The following DBF4 variants were observed in gnomAD, a reference collection of about 807,000 sequenced individuals.
DBF4 encodes DBF4-CDC7 kinase regulatory subunit, also known as protein DBF4 homolog A.
A neutral mutation model predicts 76.6 loss-of-function variants in DBF4; 25 were observed. The observed-to-expected ratio is 0.33, with a 90% CI of 0.24 to 0.46. The LOEUF is 0.46. Among genes scored for constraint, DBF4 ranks in the 20% least tolerant of loss-of-function variants. DBF4 has a pLI of 1.00. For synonymous variants in DBF4, 213 were observed against 258.0 expected (o/e 0.83, Z 1.67); for missense variants, 638 against 760.8 (o/e 0.84, Z 1.90).
At chr7:87,879,632 AC>A (rs1839161904) in intron 2 of DBF4, among the ~76,000 whole-genome samples, 1 of 152,160 alleles carries the variant, frequency 6.6e-6, no homozygotes, top group African/African-American at 2.4e-5. Flanking sequence ...TAGTACCTGC[AC>A]CATTCTGTTC....
At chr7:87,886,800 T>A in intron 3 of DBF4, 44 bp from the exon 4 acceptor site, 1 of 1,171,422 alleles carries the variant, frequency 8.5e-7, no homozygotes, top group Non-Finnish European at 1.3e-6. Flanking sequence ...TAACCTGTTC[T>A]CCAGTTAAGC....
chr7:87,897,247 AG>A (rs750095801), intron 7 of DBF4, 46 bp from the exon 8 acceptor site: 4 of 1,547,678 alleles, frequency 2.6e-6, no homozygotes, highest in Non-Finnish European at 2.6e-6. Flanking sequence ...AAAAAAAAAA[AG>A]AATCCTGAAT....
In DBF4 at chr7:87,897,335, A is replaced by C; in HGVS notation, c.676A>C (p.Ser226Arg). The C allele has an allele frequency of 6.2e-7, 1 of 1,612,760 alleles. No individual in the cohort carries two copies. Among genetic ancestry groups the C allele is most frequent in the Non-Finnish European group, 8.5e-7 (1 of 1,179,532 alleles). The change falls in exon 8 of 12, where the codon AGC (serine) becomes CGC (arginine). Residue 226 changes from serine (S) to arginine (R), a missense_variant. Coordinates refer to ENST00000265728, the MANE Select transcript of DBF4 (RefSeq NM_006716.4). ...GCCTTTTGTAAAGGTGGAAGATATG[A>C]GCCAGTAAGTATTTAAGTCCAATCT... Reference protein sequence around the residue: ...KKPFVKVEDMSQLYRPFYLQL... With the variant: ...KKPFVKVEDMRQLYRPFYLQL...
intron 1 of DBF4, among the ~76,000 whole-genome samples, chr7:87,877,568 G>A (rs1006055226): frequency 6.6e-6 from 1 of 152,196 alleles, no homozygotes; most frequent in African/African-American, 2.4e-5. Context: ...GGACCGTTTA[G>A]TTGTTAATAT....
In DBF4 at chr7:87,898,975, G is replaced by T. The variant is rs149861519; in HGVS notation, c.681-1246G>T. On this transcript the variant is annotated intron_variant, in intron 8 of 11. Transcript: ENST00000265728. Reference sequence around the variant, plus strand: ...TATGGCCAAATGATTTTCAACAAGGGTATGAAGATAATTTAATGGAGAAAG... The same window carrying T: ...TATGGCCAAATGATTTTCAACAAGGTTATGAAGATAATTTAATGGAGAAAG... 4.6e-5 allele frequency among the ~76,000 whole-genome samples: 7 copies of T among 152,210 alleles called. No homozygotes were observed. In the East Asian group the frequency reaches 1.2e-3, roughly 25 times the overall value.
intron 10 of DBF4, among the ~76,000 whole-genome samples, chr7:87,901,962 G>GT (rs1334385005): frequency 6.6e-6 from 1 of 152,094 alleles, no homozygotes; most frequent in African/African-American, 2.4e-5. Flanking sequence ...TTTTGTGTCA[G>GT]TTTTTTTGTT....
intron 3 of DBF4, among the ~76,000 whole-genome samples, chr7:87,886,193 T>A (rs1055092762): frequency 6.6e-6 from 1 of 152,124 alleles, no homozygotes; most frequent in Admixed American, 6.5e-5. Context: ...CCAAAATAAT[T>A]GTTGGTTATG....
At chr7:87,896,556 AATC>A (rs1189977103) in intron 7 of DBF4, 46 bp downstream of exon 7, 1 of 1,545,618 alleles carries the variant, frequency 6.5e-7, no homozygotes, top group Non-Finnish European at 8.9e-7. Flanking sequence ...GCATTTGAAA[AATC>A]ATAAAAGATC....
At chr7:87,907,052 A>AT in intron 11 of DBF4, 136 bp from the exon 12 acceptor site, 1 of 981,684 alleles carries the variant, frequency 1.0e-6, no homozygotes, top group Non-Finnish European at 1.4e-6. Context: ...AGATGTTTGT[A>AT]TTTTTGTAAA....
chr7:87,908,149 T>G lies in DBF4; in HGVS notation c.2011T>G (p.Phe671Val), dbSNP rs1839957459. 6.4e-7 allele frequency: 1 copy of G among 1,572,404 alleles called. No homozygotes were observed. Among genetic ancestry groups the G allele is most frequent in the Non-Finnish European group, 8.6e-7 (1 of 1,162,176 alleles). Residue 671 changes from phenylalanine to valine, a missense_variant, in exon 12 of 12, where the codon TTT becomes GTT. Physicochemically the swap from Phe to Val is conservative, Grantham distance 50 (BLOSUM62 -1). Transcript: ENST00000265728. ...TTTCTCGTCCCCTTCAACTTCTACA[T>G]TTACTGGCTTTTAGAATTTAAAAAA... ...AFFSSPSTSTFTGF is the reference protein window; with the variant it reads ...AFFSSPSTSTVTGF
Position 87,907,198 on chromosome 7 carries a change from A to G in DBF4, c.1060A>G (p.Ser354Gly), listed in dbSNP as rs1839931246. 6.4e-7 allele frequency: 1 copy of G among 1,573,458 alleles called. No homozygotes were observed. Among genetic ancestry groups the G allele is most frequent in the Admixed American group, 2.0e-5 (1 of 49,724 alleles). ...DTPKKKRIKY[S>G]VGSLSPVSAS... is the part of the protein sequence containing the mutation. Reference sequence around the variant, plus strand: ...ATTTTTCCTACAAAGAATAAAATACAGTGTTGGATCCCTTTCTCCTGTTTC... The same window carrying G: ...ATTTTTCCTACAAAGAATAAAATACGGTGTTGGATCCCTTTCTCCTGTTTC... The change falls in exon 12 of 12, where the codon AGT (serine) becomes GGT (glycine). Residue 354 changes from serine (S) to glycine (G), a missense_variant. Ser to Gly is a moderately conservative substitution (Grantham distance 56). Coordinates refer to ENST00000265728, the MANE Select transcript of DBF4 (RefSeq NM_006716.4).
At chr7:87,886,535 C>CAAA (rs11411808) in intron 3 of DBF4, among the ~76,000 whole-genome samples, 107 of 54,040 alleles carry the variant, frequency 2.0e-3, no homozygotes, top group Middle Eastern at 0.013. Context: ...ACTTTGTCTC[C>CAAA]AAAAAAAAAA....
rs1486359798 is a variant in DBF4 at position 87,886,894 on chromosome 7, T to C, written c.450T>C (p.His150=). The C allele has an allele frequency of 1.3e-6, 2 of 1,546,584 alleles. No individual in the cohort carries two copies. The highest frequency in any genetic ancestry group is 2.3e-5 in the East Asian group (1 of 43,952). Residue 150 remains histidine, a splice_region_variant and synonymous_variant, in exon 4 of 12, where the codon CAT becomes CAC. Coordinates refer to ENST00000265728, the MANE Select transcript of DBF4 (RefSeq NM_006716.4). ...TAGTTGAAAAAGCTATCAAGGACCATGTAAGTAGGAACTATAAAGATTCAC... is the reference window on the plus strand; with the variant it reads ...TAGTTGAAAAAGCTATCAAGGACCACGTAAGTAGGAACTATAAAGATTCAC... ...KLLVEKAIKD[H]DFIPSNSILS... is the part of the protein sequence containing the mutation.
chr7:87,887,918 A>C, intron 5 of DBF4, 65 bp from the exon 6 acceptor site: 8 of 1,392,500 alleles, frequency 5.7e-6, no homozygotes, highest in Non-Finnish European at 7.8e-6. Context: ...AACTACAAGA[A>C]AATATCACTG....
At chr7:87,888,560 T>C (rs1839415999) in intron 6 of DBF4, among the ~76,000 whole-genome samples, 1 of 152,236 alleles carries the variant, frequency 6.6e-6, no homozygotes, top group Non-Finnish European at 1.5e-5. Context: ...TCCTTTTCCT[T>C]GTTGCTTCTT....
In DBF4 at chr7:87,909,532, C is replaced by T. The variant is rs1293960269; in HGVS notation, c.*1369C>T. ...CCTGAAGTAGGCTCAATAAAAGAGT[C>T]TTTACAGTGCATACACGCAAACCCT... On this transcript the variant is annotated 3_prime_UTR_variant, in exon 12 of 12. Coordinates refer to ENST00000265728, the MANE Select transcript of DBF4 (RefSeq NM_006716.4). 1 of 152,194 alleles carries T rather than the reference C, an allele frequency of 6.6e-6. No homozygotes were observed. Among genetic ancestry groups the T allele is most frequent in the Admixed American group, 6.5e-5 (1 of 15,276 alleles). The allele number at this position is 152,194 out of a possible 1,614,324, so 9.4% of individuals were successfully genotyped here. A position where few individuals can be genotyped will look rare whatever the true frequency, so the allele number is the denominator to read the frequency against.
At chr7:87,886,053 CAGAA>C (rs1224379481) in intron 3 of DBF4, among the ~76,000 whole-genome samples, 13 of 151,872 alleles carry the variant, frequency 8.6e-5, no homozygotes, top group African/African-American at 2.9e-4. Context: ...AGAAATGAGT[CAGAA>C]AGGAGCTATC....
intron 2 of DBF4, among the ~76,000 whole-genome samples, chr7:87,880,563 T>G (rs1355530538): frequency 6.6e-6 from 1 of 152,240 alleles, no homozygotes; most frequent in Non-Finnish European, 1.5e-5. Context: ...CATTTACTGT[T>G]TCTATCACTA....
At position 87,908,556 on chromosome 7, in the gene DBF4, C is replaced by T. The variant is rs958323271; in HGVS notation, c.*393C>T. 4 of 154,434 alleles carry T rather than the reference C, an allele frequency of 2.6e-5. No homozygotes were observed. Among genetic ancestry groups the T allele is most frequent in the African/African-American group, 9.7e-5 (4 of 41,442 alleles). 9.6% of individuals were successfully genotyped at this position (154,434 alleles called of 1,614,324 possible). A position where few individuals can be genotyped will look rare whatever the true frequency, so the allele number is the denominator to read the frequency against. ...GATAACATGACCTTGCCTTGAAAAA[C>T]CTAAATTTCATACAGAAAGGAAAAA... On this transcript the variant is annotated 3_prime_UTR_variant, in exon 12 of 12. Coordinates refer to ENST00000265728, the MANE Select transcript of DBF4 (RefSeq NM_006716.4).
Sources: gnomAD v4.1 joint callset for allele counts (sites outside exome capture counted in the v4.1 genomes callset) on GRCh38, gnomAD v4.1.1 for gene constraint, MANE v1.5 for transcripts, NCBI Gene and HGNC (gene_info 2026-07-23, HGNC 2026-07-21) for gene names.